CIC: variants seen among roughly 807,000 people sequenced by gnomAD.
CIC encodes protein capicua homolog.
In CIC, 18 loss-of-function variants were observed where a neutral mutation model predicts 115.7. That is an observed-to-expected ratio of 0.16 (90% CI 0.11 to 0.23). The LOEUF (loss-of-function observed/expected upper bound fraction) is 0.23, where lower values mean the gene tolerates loss of function less well. Among genes scored for constraint, CIC ranks in the 10% least tolerant of loss-of-function variants. The pLI, the probability that CIC is intolerant of heterozygous loss-of-function variation, is 1.00. For synonymous variants in CIC, 1,076 were observed against 923.0 expected, an observed-to-expected ratio of 1.17 and a Z score of -3.01; for missense variants, 2,000 against 2,159.3, an observed-to-expected ratio of 0.93 and a Z score of 1.46.
intron 2 of CIC, chr19:42,284,338 G>T (rs1180820405): frequency 7.5e-6 from 1 of 132,588 alleles, no homozygotes; most frequent in Non-Finnish European, 1.7e-5. Context: ...CGCCCCGCCT[G>T]CCCCGCCTGC....
At chr19:42,288,020 G>T (rs775477756) in intron 7 of CIC, 45 bp downstream of exon 7, 4 of 1,553,682 alleles carry the variant, frequency 2.6e-6, no homozygotes, top group Non-Finnish European at 3.5e-6. Flanking sequence ...CTCCCTCCCC[G>T]AGAGCCACCA....
Position 42,290,291 on chromosome 19 carries a change from C to T in CIC, c.4250C>T (p.Pro1417Leu). Residue 1417 changes from proline to leucine, a missense_variant, in exon 11 of 21, where the codon CCC becomes CTC. Physicochemically the swap from Pro to Leu is moderately conservative, Grantham distance 98. Around this residue, in one of 8 missense-constraint regions of CIC, gnomAD observed 1,466 missense variants for 1,390.4 expected, o/e 1.05. Coordinates refer to ENST00000681038, the MANE Select transcript of CIC (RefSeq NM_001386298.1). ...CGTTCCTCCTTTACCCACTGCCGCC[C>T]CCCACTGGACCCTGAGCCCCCAGGG... Reference protein sequence around the residue: ...VIRSSFTHCRPPLDPEPPGPP... With the variant: ...VIRSSFTHCRLPLDPEPPGPP... 1.2e-6 allele frequency: 2 copies of T among 1,614,080 alleles called. No homozygotes were observed. Among genetic ancestry groups the T allele is most frequent in the Non-Finnish European group, 1.7e-6 (2 of 1,179,982 alleles).
chr19:42,281,556 C>T (rs143122352), intron 2 of CIC, among the ~76,000 whole-genome samples: 1 of 152,278 alleles, frequency 6.6e-6, no homozygotes, highest in African/African-American at 2.4e-5. Context: ...CTAGGGAGGC[C>T]CCAATTAGGG....
rs1476197143 is a variant in CIC at position 42,280,260 on chromosome 19, A to C, written c.2794+5683A>C. On this transcript the variant is annotated intron_variant, in intron 2 of 20. Coordinates refer to ENST00000681038, the MANE Select transcript of CIC (RefSeq NM_001386298.1). This position sits in a 1 kb window ranked among gnomAD's most constrained non-coding sequence, Gnocchi z 4.9. ...AAAAGCTGATTGTGAAGCCAGATAG[A>C]TTTGGGTTCAAATCCCGGCCGTGCC... The C allele has an allele frequency of 1.3e-5, 2 of 151,972 alleles. No homozygotes were observed. Among genetic ancestry groups the C allele is most frequent in the South Asian group, 2.1e-4 (1 of 4,832 alleles). 9.4% of individuals were successfully genotyped at this position (151,972 alleles called of 1,614,324 possible). A position where few individuals can be genotyped will look rare whatever the true frequency, so the allele number is the denominator to read the frequency against.
At chr19:42,283,702 C>A (rs1206576357) in intron 2 of CIC, among the ~76,000 whole-genome samples, 1 of 151,992 alleles carries the variant, frequency 6.6e-6, no homozygotes. Flanking sequence ...CTCGCGCGGA[C>A]TGGACACACA....
In CIC at chr19:42,292,876, C is replaced by G. The variant is rs1271929142; in HGVS notation, c.6196+17C>G. Reference sequence around the variant, plus strand: ...GCGCCACAGGTAGGTGTCAGATCAACCCAGAGCAGAGTGAGTTGGGGGACC... The same window carrying G: ...GCGCCACAGGTAGGTGTCAGATCAAGCCAGAGCAGAGTGAGTTGGGGGACC... On this transcript the variant is annotated intron_variant, in intron 15 of 20. Transcript: ENST00000681038. 1 of 1,613,812 alleles carries G rather than the reference C, an allele frequency of 6.2e-7. No homozygotes were observed. The highest frequency in any genetic ancestry group is 8.5e-7 in the Non-Finnish European group (1 of 1,180,004).
chr19:42,274,536 C>T lies in CIC; in HGVS notation c.2753C>T (p.Pro918Leu), dbSNP rs1304106143. ...GTGCCCAGCAGCTATACCAGCCACC[C>T]TGCCCCCAAGAAGGAAGTCATCATG... The part of the protein sequence containing the change: ...VLVPSSYTSH[P>L]APKKEVIMGR... The change falls in exon 2 of 21, where the codon CCT (proline) becomes CTT (leucine). Residue 918 changes from proline (P) to leucine (L), a missense_variant. Physicochemically the swap from Pro to Leu is moderately conservative, Grantham distance 98. Around this residue, in one of 8 missense-constraint regions of CIC, gnomAD observed 222 missense variants for 247.7 expected, o/e 0.90. Coordinates refer to ENST00000681038, the MANE Select transcript of CIC (RefSeq NM_001386298.1). 3 of 398,764 alleles carry T rather than the reference C, an allele frequency of 7.5e-6. No homozygotes were observed. The highest frequency in any genetic ancestry group is 1.3e-5 in the Non-Finnish European group (3 of 226,224). The allele number at this position is 398,764 out of a possible 1,614,324, so 24.7% of individuals were successfully genotyped here.
chr19:42,287,746 G>A lies in CIC; in HGVS notation c.3492+19G>A, dbSNP rs2147202758. On this transcript the variant is annotated intron_variant, in intron 6 of 20. Transcript: ENST00000681038. The surrounding 1 kb of genome is among the most constrained non-coding windows in gnomAD (Gnocchi z 8.7). ...CTTCCAGGTAACGCTGTTGCCTCTT[G>A]GCTCCTCCCAGCTTCTTCTGGTGGG... The A allele has an allele frequency of 1.9e-6, 3 of 1,614,146 alleles. No homozygotes were observed. The highest frequency in any genetic ancestry group is 2.5e-6 in the Non-Finnish European group (3 of 1,180,030).
intron 2 of CIC, among the ~76,000 whole-genome samples, chr19:42,278,246 AG>A (rs1419270266): frequency 6.6e-6 from 1 of 152,224 alleles, no homozygotes; most frequent in African/African-American, 2.4e-5. Flanking sequence ...CAGGGCCTGC[AG>A]CCCCAGTCCA....
At chr19:42,289,142 A>C (rs749752434) in intron 8 of CIC, 39 bp from the exon 9 acceptor site, 1 of 1,613,078 alleles carries the variant, frequency 6.2e-7, no homozygotes, top group Admixed American at 1.7e-5. Flanking sequence ...TGTCCAGGGC[A>C]GCAGCCCCGC....
At position 42,293,687 on chromosome 19, in the gene CIC, A is replaced by G. The variant is rs1489009392; in HGVS notation, c.6618A>G (p.Pro2206=). The part of the protein sequence containing the change: ...GEPPTPPSPA[P]APAVAPGGSS... ...CTCCCACTCCTCCCAGCCCGGCCCCAGCTCCAGCTGTAGCCCCTGGTGGCA... is the reference window on the plus strand; with the variant it reads ...CTCCCACTCCTCCCAGCCCGGCCCCGGCTCCAGCTGTAGCCCCTGGTGGCA... Residue 2206 remains proline (P), a synonymous_variant, in exon 17 of 21, where the codon CCA becomes CCG. Coordinates refer to ENST00000681038, the MANE Select transcript of CIC (RefSeq NM_001386298.1). The G allele has an allele frequency of 6.2e-7, 1 of 1,612,828 alleles. No homozygotes were observed.
intron 2 of CIC, 149 bp from the exon 3 acceptor site, chr19:42,286,622 G>A (rs1245768419): frequency 1.5e-5 from 14 of 916,042 alleles, no homozygotes; most frequent in African/African-American, 3.4e-5. Flanking sequence ...CCTGAGTGAC[G>A]TTGCATGGAC....
In CIC at chr19:42,289,818, C is replaced by A. The variant is rs561068202; in HGVS notation, c.4088-30C>A. Reference sequence around the variant, plus strand: ...CCTGGGTCCCCCTGCATCTAGCCCCCTCCCCATACTGTTCCCTCCACTCCC... The same window carrying A: ...CCTGGGTCCCCCTGCATCTAGCCCCATCCCCATACTGTTCCCTCCACTCCC... On this transcript the variant is annotated intron_variant, in intron 9 of 20. Transcript: ENST00000681038. 17 of 1,536,932 alleles carry A rather than the reference C, an allele frequency of 1.1e-5. No homozygotes were observed. In the East Asian group the frequency reaches 3.8e-4, roughly 34 times the overall value.
chr19:42,286,592 C>T (rs1323222007), intron 2 of CIC, among the ~76,000 whole-genome samples, 179 bp from the exon 3 acceptor site: 4 of 148,516 alleles, frequency 2.7e-5, no homozygotes, highest in Non-Finnish European at 5.9e-5. Flanking sequence ...AATCTAGAAA[C>T]CTTTCAGGGA....
rs1353349876 is a variant in CIC, at chr19:42,289,379, G to A, written c.4060G>A (p.Glu1354Lys). The A allele has an allele frequency of 6.2e-7, 1 of 1,602,578 alleles. No individual in the cohort carries two copies. The highest frequency in any genetic ancestry group is 8.5e-7 in the Non-Finnish European group (1 of 1,174,374). The change falls in exon 9 of 21, where the codon GAG becomes AAG. Residue 1354 changes from glutamate to lysine, a missense_variant. Glu to Lys is a moderately conservative substitution (Grantham distance 56). Around this residue, in one of 8 missense-constraint regions of CIC, gnomAD observed 1,466 missense variants for 1,390.4 expected, o/e 1.05. Coordinates refer to ENST00000681038, the MANE Select transcript of CIC (RefSeq NM_001386298.1). Reference protein sequence around the residue: ...TSDEERMVICEEEGDDDVIAD... With the variant: ...TSDEERMVICKEEGDDDVIAD... ...TGATGAGGAGCGCATGGTCATCTGT[G>A]AGGAGGAAGGGGATGATGATGTCAT... is the stretch of plus-strand genomic sequence containing the variant.
At chr19:42,284,645 G>T (rs891089677) in intron 2 of CIC, 6 of 1,339,788 alleles carry the variant, frequency 4.5e-6, no homozygotes, top group African/African-American at 1.5e-5. Context: ...GGCTGCGGGC[G>T]GAGCGGCGTC....
chr19:42,277,135 C>G (rs1484153758), intron 2 of CIC, among the ~76,000 whole-genome samples: 1 of 152,208 alleles, frequency 6.6e-6, no homozygotes, highest in Non-Finnish European at 1.5e-5. Context: ...TCACAATGCC[C>G]CAGGCTAGTA....
intron 10 of CIC, 73 bp downstream of exon 10, chr19:42,290,024 C>T (rs73932882): frequency 1.4e-6 from 2 of 1,455,970 alleles, no homozygotes; most frequent in East Asian, 2.3e-5. Flanking sequence ...TTCTCCCGGG[C>T]TTGAGAGAGG....
In CIC at chr19:42,290,295, A is replaced by G. The variant is rs1321245721; in HGVS notation, c.4254A>G (p.Pro1418=). The change falls in exon 11 of 21, where the codon CCA becomes CCG. Residue 1418 remains proline, a synonymous_variant. Coordinates refer to ENST00000681038, the MANE Select transcript of CIC (RefSeq NM_001386298.1). The part of the protein sequence containing the change: ...IRSSFTHCRP[P]LDPEPPGPPD... The stretch of plus-strand genomic sequence containing the variant: ...CCTCCTTTACCCACTGCCGCCCCCC[A>G]CTGGACCCTGAGCCCCCAGGGCCCC... 1.2e-6 allele frequency: 2 copies of G among 1,613,682 alleles called. No homozygotes were observed. The highest frequency in any genetic ancestry group is 1.7e-5 in the Admixed American group (1 of 59,984).
Sources: allele counts gnomAD v4.1 joint callset (sites outside exome capture counted in the v4.1 genomes callset), GRCh38; gene constraint gnomAD v4.1.1; regional missense constraint gnomAD v4.1.1; non-coding constraint Gnocchi (gnomAD v3.1); transcripts MANE v1.5; gene names NCBI Gene and HGNC (gene_info 2026-07-23, HGNC 2026-07-21).